Variants in OPCML observed in about 807,000 individuals in gnomAD.
The protein encoded by OPCML is opioid-binding protein/cell adhesion molecule.
Under a neutral mutation model 37.8 loss-of-function variants are expected in OPCML, and 13 were observed. That is an observed-to-expected ratio of 0.34 (90% CI 0.22 to 0.55). The LOEUF (loss-of-function observed/expected upper bound fraction) is 0.55. OPCML is among the 20% of genes least tolerant of loss of function. OPCML has a pLI of 0.91. For synonymous variants in OPCML, 176 were observed against 168.8 expected (o/e 1.04, Z -0.33); for missense variants, 341 against 435.6 (o/e 0.78, Z 1.93).
intron 1 of OPCML, among the ~76,000 whole-genome samples, chr11:133,227,653 T>C (rs187915846): frequency 1.3e-5 from 2 of 152,026 alleles, no homozygotes; most frequent in East Asian, 3.9e-4. Context: ...AAAAAGGCCG[T>C]TCCATTCTCC....
In OPCML at chr11:132,778,358, A is replaced by G. The variant is rs539868399; in HGVS notation, c.147-121039T>C. Among the ~76,000 whole-genome samples the G allele has an allele frequency of 3.9e-5, 6 of 152,344 alleles. No individual in the cohort carries two copies. The South Asian group carries it at 1.2e-3, about 32-fold the overall frequency. ...TTCTACTTTACACCTCCGTTTATTC[A>G]ACCAAAAATGTTTCTTCATCATCTA... On this transcript the variant is annotated intron_variant, in intron 2 of 7. Coordinates refer to ENST00000524381, the MANE Select transcript of OPCML (RefSeq NM_001012393.5).
intron 2 of OPCML, among the ~76,000 whole-genome samples, chr11:132,848,047 A>C (rs924836253): frequency 6.6e-6 from 1 of 152,168 alleles, no homozygotes; most frequent in Non-Finnish European, 1.5e-5. Flanking sequence ...TCAAGTCCCT[A>C]TCGTATTGAG....
intron 2 of OPCML, among the ~76,000 whole-genome samples, chr11:132,866,412 A>C (rs911750452): frequency 6.6e-6 from 1 of 152,212 alleles, no homozygotes; most frequent in Non-Finnish European, 1.5e-5. Flanking sequence ...GGCCCTTCTT[A>C]GCACTGCAGG....
At chr11:133,150,368 CA>C in intron 1 of OPCML, among the ~76,000 whole-genome samples, 1 of 152,302 alleles carries the variant, frequency 6.6e-6, no homozygotes, top group African/African-American at 2.4e-5. Flanking sequence ...TCTGAGGTTC[CA>C]GAGGTTATGA....
rs560081297 is a variant in OPCML at position 133,421,361 on chromosome 11, T to C, written c.61+110903A>G. 2.0e-5 allele frequency: 20 copies of C among 985,396 alleles called. No homozygotes were observed. In the East Asian group the frequency reaches 2.2e-3, roughly 106 times the overall value. 61.0% of individuals were successfully genotyped at this position (985,396 alleles called of 1,614,324 possible). A position where few individuals can be genotyped will look rare whatever the true frequency, so the allele number is the denominator to read the frequency against. Reference sequence around the variant, plus strand: ...AGGAAATGATTACAAGCCATCAAGATGGAGAACAGGGTGTCACTCGGAGAC... The same window carrying C: ...AGGAAATGATTACAAGCCATCAAGACGGAGAACAGGGTGTCACTCGGAGAC... On this transcript the variant is annotated intron_variant, in intron 1 of 7. Coordinates refer to ENST00000524381, the MANE Select transcript of OPCML (RefSeq NM_001012393.5).
chr11:132,437,752 G>A (rs67711553), intron 4 of OPCML, among the ~76,000 whole-genome samples: 20,031 of 152,204 alleles, frequency 0.13, 1,822 homozygotes, highest in East Asian at 0.35. Flanking sequence ...AATAACTTTA[G>A]GGTATGTTAC....
chr11:132,659,165 TG>T (rs1941842324), intron 2 of OPCML, among the ~76,000 whole-genome samples: 1 of 152,232 alleles, frequency 6.6e-6, no homozygotes. Context: ...TGAGGCATCT[TG>T]CTTCTTTTCC....
chr11:132,934,311 G>A (rs55839200), intron 2 of OPCML, among the ~76,000 whole-genome samples: 2,781 of 152,254 alleles, frequency 0.018, 34 homozygotes, highest in Middle Eastern at 0.054. Context: ...TAGGTCCAGC[G>A]TGGATTAGCA....
intron 3 of OPCML, among the ~76,000 whole-genome samples, chr11:132,546,915 G>A (rs1381856175): frequency 2.0e-5 from 3 of 152,312 alleles, no homozygotes; most frequent in African/African-American, 7.2e-5. Context: ...TTAGGGAAAG[G>A]AAAGCCTGTG....
At chr11:132,583,370 C>A (rs1052236179) in intron 3 of OPCML, among the ~76,000 whole-genome samples, 1 of 152,114 alleles carries the variant, frequency 6.6e-6, no homozygotes, top group African/African-American at 2.4e-5. Flanking sequence ...GTGATCATGG[C>A]TTATTGTAGC....
chr11:132,957,938 A>G (rs906531004), intron 1 of OPCML, among the ~76,000 whole-genome samples: 1 of 152,216 alleles, frequency 6.6e-6, no homozygotes, highest in African/African-American at 2.4e-5. Flanking sequence ...AGGCCAATTA[A>G]TAACCCTACA....
At chr11:133,515,306 T>C (rs542562394) in intron 1 of OPCML, among the ~76,000 whole-genome samples, 53 of 152,298 alleles carry the variant, frequency 3.5e-4, no homozygotes, top group Middle Eastern at 3.4e-3. Flanking sequence ...GAGCAGTGGT[T>C]CTCAACCAGA....
chr11:133,280,620 G>A (rs1942119249), intron 1 of OPCML, among the ~76,000 whole-genome samples: 1 of 152,130 alleles, frequency 6.6e-6, no homozygotes, highest in Non-Finnish European at 1.5e-5. Flanking sequence ...GTGAATAATT[G>A]CATGTCCTGT....
intron 1 of OPCML, among the ~76,000 whole-genome samples, chr11:133,389,224 C>T (rs959225406): frequency 1.3e-5 from 2 of 152,226 alleles, no homozygotes; most frequent in African/African-American, 4.8e-5. Flanking sequence ...TGTAACCCAT[C>T]TAAATCTTTC....
chr11:132,942,818 G>A (rs1334482079), intron 2 of OPCML, 108 bp downstream of exon 2: 3 of 1,434,720 alleles, frequency 2.1e-6, no homozygotes, highest in Non-Finnish European at 2.9e-6. Flanking sequence ...GCCTGCACAA[G>A]GCCCACTCGC....
chr11:133,469,908 C>G (rs533021896), intron 1 of OPCML, among the ~76,000 whole-genome samples: 2 of 152,308 alleles, frequency 1.3e-5, no homozygotes, highest in African/African-American at 2.4e-5. Context: ...TTTCTGGAAC[C>G]AACTAAGTTC....
chr11:132,636,600 G>T (rs1393788025), intron 3 of OPCML, among the ~76,000 whole-genome samples: 1 of 152,214 alleles, frequency 6.6e-6, no homozygotes, highest in African/African-American at 2.4e-5. Context: ...AAAAGAAATA[G>T]CGAATGTGAG....
intron 2 of OPCML, among the ~76,000 whole-genome samples, chr11:132,729,315 T>C (rs1944996241): frequency 2.0e-5 from 3 of 152,178 alleles, no homozygotes; most frequent in Admixed American, 2.0e-4. Context: ...TTAACTAATC[T>C]TAAAATGCAC....
At chr11:132,562,580 T>C (rs755752626) in intron 3 of OPCML, among the ~76,000 whole-genome samples, 1 of 152,158 alleles carries the variant, frequency 6.6e-6, no homozygotes, top group Non-Finnish European at 1.5e-5. Context: ...TTTTGATTTA[T>C]ATATAGGTTA....
Sources: gnomAD v4.1 joint callset for allele counts (sites outside exome capture counted in the v4.1 genomes callset) on GRCh38, gnomAD v4.1.1 for gene constraint, MANE v1.5 for transcripts, NCBI Gene and HGNC (gene_info 2026-07-23, HGNC 2026-07-21) for gene names.